Variants in LRCH1 observed in about 807,000 individuals in gnomAD.
The protein encoded by LRCH1 is leucine-rich repeat and calponin homology domain-containing protein 1.
Under a neutral mutation model 94.9 loss-of-function variants are expected in LRCH1, and 23 were observed. That is an observed-to-expected ratio of 0.24 (90% CI 0.17 to 0.34). The LOEUF (loss-of-function observed/expected upper bound fraction) is 0.34. LRCH1 is among the 10% of genes least tolerant of loss of function. The probability of loss-of-function intolerance (pLI) is 1.00; values close to 1 mark genes in which losing one functional copy is unlikely to be tolerated. For missense variants in LRCH1, 790 were observed against 945.9 expected, an observed-to-expected ratio of 0.84 and a Z score of 2.16; for synonymous variants, 364 against 354.9, an observed-to-expected ratio of 1.03 and a Z score of -0.29.
At chr13:46,605,378 G>A (rs1166817899) in intron 1 of LRCH1, among the ~76,000 whole-genome samples, 2 of 152,140 alleles carry the variant, frequency 1.3e-5, no homozygotes, top group East Asian at 1.9e-4. Flanking sequence ...GAAGCCTTGT[G>A]CCTTTTATCC....
intron 19 of LRCH1, among the ~76,000 whole-genome samples, chr13:46,734,542 C>G (rs1261244365): frequency 3.9e-5 from 6 of 152,190 alleles, no homozygotes; most frequent in Non-Finnish European, 8.8e-5. Context: ...TAACTATTTG[C>G]ATTTCATTTT....
intron 1 of LRCH1, among the ~76,000 whole-genome samples, chr13:46,612,681 TG>T (rs1263685480): frequency 6.6e-6 from 1 of 152,210 alleles, no homozygotes; most frequent in African/African-American, 2.4e-5. Context: ...TTGTTTTGAA[TG>T]AGTTTGTTTA....
At chr13:46,735,471 G>A (rs992294434) in intron 19 of LRCH1, among the ~76,000 whole-genome samples, 2 of 152,092 alleles carry the variant, frequency 1.3e-5, no homozygotes, top group Non-Finnish European at 2.9e-5. Flanking sequence ...TCATCAATGT[G>A]TTTTTGGCTT....
At chr13:46,698,106 C>G (rs1210604273) in intron 9 of LRCH1, among the ~76,000 whole-genome samples, 1 of 152,162 alleles carries the variant, frequency 6.6e-6, no homozygotes, top group Non-Finnish European at 1.5e-5. Context: ...AGTATAATCA[C>G]TACAGAAAAA....
At chr13:46,607,245 C>T (rs1189979631) in intron 1 of LRCH1, among the ~76,000 whole-genome samples, 5 of 152,130 alleles carry the variant, frequency 3.3e-5, no homozygotes, top group African/African-American at 4.8e-5. Context: ...AATACAGATT[C>T]GGAGAAAATG....
intron 1 of LRCH1, among the ~76,000 whole-genome samples, chr13:46,563,571 G>A (rs1359810035): frequency 1.3e-5 from 2 of 152,176 alleles, no homozygotes; most frequent in Non-Finnish European, 2.9e-5. Flanking sequence ...GCTAACATTA[G>A]CAAGCAGTTA....
At chr13:46,602,665 A>T (rs2050640147) in intron 1 of LRCH1, among the ~76,000 whole-genome samples, 1 of 152,176 alleles carries the variant, frequency 6.6e-6, no homozygotes, top group Non-Finnish European at 1.5e-5. Flanking sequence ...GATTTAAAAT[A>T]AAATGGAGGC....
chr13:46,588,580 G>A (rs960802305), intron 1 of LRCH1, among the ~76,000 whole-genome samples: 1 of 143,590 alleles, frequency 7.0e-6, no homozygotes, highest in African/African-American at 2.6e-5. Context: ...GCTGTATTTC[G>A]TTTCTCTCTC....
chr13:46,686,085 G>A (rs1870598775), intron 5 of LRCH1, 44 bp downstream of exon 5: 3 of 1,416,256 alleles, frequency 2.1e-6, no homozygotes, highest in South Asian at 1.8e-5. Context: ...GGGATGTGCT[G>A]TTATAGGAGC....
At chr13:46,561,017 T>C (rs2050124480) in intron 1 of LRCH1, among the ~76,000 whole-genome samples, 1 of 152,214 alleles carries the variant, frequency 6.6e-6, no homozygotes, top group Non-Finnish European at 1.5e-5. Context: ...GGGAAATGCT[T>C]TTATAGTCAG....
intron 5 of LRCH1, among the ~76,000 whole-genome samples, chr13:46,687,313 A>G (rs914862295): frequency 5.9e-5 from 9 of 152,244 alleles, no homozygotes; most frequent in African/African-American, 1.4e-4. Context: ...ACCTTAAAAC[A>G]TGGTTATTGA....
intron 1 of LRCH1, among the ~76,000 whole-genome samples, chr13:46,630,838 A>G (rs2051009389): frequency 6.6e-6 from 1 of 152,244 alleles, no homozygotes; most frequent in Non-Finnish European, 1.5e-5. Flanking sequence ...GCAGTCCTGT[A>G]TGTGAGGCAT....
chr13:46,703,287 C>T (rs1395797306), intron 11 of LRCH1, among the ~76,000 whole-genome samples: 1 of 152,148 alleles, frequency 6.6e-6, no homozygotes, highest in East Asian at 1.9e-4. Context: ...TTTGAATTAG[C>T]TAGAAACTTT....
intron 2 of LRCH1, among the ~76,000 whole-genome samples, chr13:46,655,761 TAGGGACC>T (rs2051362252): frequency 1.3e-5 from 2 of 152,208 alleles, no homozygotes; most frequent in Non-Finnish European, 2.9e-5. Flanking sequence ...AATCTAAGAA[TAGGGACC>T]TTGGTTAAAA....
At chr13:46,679,501 C>T (rs2051722073) in intron 3 of LRCH1, among the ~76,000 whole-genome samples, 1 of 152,244 alleles carries the variant, frequency 6.6e-6, no homozygotes, top group African/African-American at 2.4e-5. Context: ...CTGAGAGTGA[C>T]TGAACACGAT....
At chr13:46,610,187 T>A (rs2050732491) in intron 1 of LRCH1, among the ~76,000 whole-genome samples, 1 of 152,222 alleles carries the variant, frequency 6.6e-6, no homozygotes, top group African/African-American at 2.4e-5. Context: ...TTTGAAATGA[T>A]AATCCAAAAG....
At chr13:46,686,093 A>T (rs1219993130) in intron 5 of LRCH1, 52 bp downstream of exon 5, 1 of 1,392,110 alleles carries the variant, frequency 7.2e-7, no homozygotes. Flanking sequence ...CTGTTATAGG[A>T]GCCAAGGGAA....
Position 46,582,489 on chromosome 13 carries a change from GT to G in LRCH1, c.307+28798del, listed in dbSNP as rs11385400. 2.6e-3 allele frequency among the ~76,000 whole-genome samples: 351 copies of G among 132,512 alleles called. 3 individuals are homozygous for G. The highest frequency in any genetic ancestry group is 3.9e-3 in the Non-Finnish European group (247 of 62,766). 86.9% of individuals were successfully genotyped at this position (132,512 alleles called of 152,430 possible). A position where few individuals can be genotyped will look rare whatever the true frequency, so the allele number is the denominator to read the frequency against. ...GTCTTAATGAAGGGATGAACATATTGTTTTTTTTTTTTGACACAGGGTCTCA... is the reference window on the plus strand; with the variant it reads ...GTCTTAATGAAGGGATGAACATATTGTTTTTTTTTTTGACACAGGGTCTCA... On this transcript the variant is annotated intron_variant, in intron 1 of 19. Coordinates refer to ENST00000389797, the MANE Select transcript of LRCH1 (RefSeq NM_001164211.2).
At chr13:46,711,190 C>G (rs1177029089) in intron 13 of LRCH1, among the ~76,000 whole-genome samples, 1 of 152,206 alleles carries the variant, frequency 6.6e-6, no homozygotes, top group South Asian at 2.1e-4. Flanking sequence ...TTCAGTGATG[C>G]TACCATCTAC....
Sources: gnomAD v4.1 joint callset for allele counts (sites outside exome capture counted in the v4.1 genomes callset) on GRCh38, gnomAD v4.1.1 for gene constraint, MANE v1.5 for transcripts, NCBI Gene and HGNC (gene_info 2026-07-23, HGNC 2026-07-21) for gene names.